Variants in TJP2 observed in about 807,000 individuals in gnomAD.
The protein encoded by TJP2 is Friedreich ataxia region gene X104 (tight junction protein ZO-2).
Under a neutral mutation model 133.1 loss-of-function variants are expected in TJP2, and 91 were observed. The ratio of observed to expected loss-of-function variants is 0.68; its 90% CI spans 0.58 to 0.81. The LOEUF (loss-of-function observed/expected upper bound fraction) is 0.81, where lower values mean the gene tolerates loss of function less well. Among genes scored for constraint, TJP2 ranks in the 40% least tolerant of loss-of-function variants. The probability of loss-of-function intolerance (pLI) is 0.00; values close to 1 mark genes in which losing one functional copy is unlikely to be tolerated. For synonymous variants in TJP2, 592 were observed against 583.4 expected, an observed-to-expected ratio of 1.01 and a Z score of -0.21; for missense variants, 1,541 against 1,565.6, an observed-to-expected ratio of 0.98 and a Z score of 0.26.
At chr9:69,156,385 G>T (rs1350498609) in intron 2 of TJP2, among the ~76,000 whole-genome samples, 1 of 152,112 alleles carries the variant, frequency 6.6e-6, no homozygotes, top group Non-Finnish European at 1.5e-5. Context: ...AATTTAGAAA[G>T]TTTATTTTGC....
Position 69,225,924 on chromosome 9 carries a change from T to C in TJP2, c.1057-98T>C, listed in dbSNP as rs909191089. ...CCTAAAGCCAATATCTGTTTGAATA[T>C]CTGAGCAAAGCCTTTACATTTTTAG... On this transcript the variant is annotated intron_variant, in intron 6 of 22. Coordinates refer to ENST00000377245, the MANE Select transcript of TJP2 (RefSeq NM_004817.4). 4.5e-6 allele frequency: 6 copies of C among 1,323,534 alleles called. No individual in the cohort carries two copies. In the South Asian group the frequency reaches 5.0e-5, roughly 11 times the overall value. 82.0% of individuals were successfully genotyped at this position (1,323,534 alleles called of 1,614,324 possible). A position where few individuals can be genotyped will look rare whatever the true frequency, so the allele number is the denominator to read the frequency against.
intron 10 of TJP2, among the ~76,000 whole-genome samples, chr9:69,229,788 A>G (rs892093026): frequency 6.6e-6 from 1 of 152,214 alleles, no homozygotes; most frequent in Non-Finnish European, 1.5e-5. Flanking sequence ...TTCCTTTGGA[A>G]GAATTTTAGC....
At chr9:69,136,682 C>T (rs889417628) in intron 1 of TJP2, among the ~76,000 whole-genome samples, 2 of 152,092 alleles carry the variant, frequency 1.3e-5, no homozygotes, top group Non-Finnish European at 2.9e-5. Flanking sequence ...GAAACTACAT[C>T]CATTTCCTGG....
intron 1 of TJP2, among the ~76,000 whole-genome samples, chr9:69,128,770 C>T (rs1822362709): frequency 6.6e-6 from 1 of 152,184 alleles, no homozygotes. Flanking sequence ...TCGTGATCCG[C>T]CCGCCTCGGC....
chr9:69,169,330 T>A (rs185554012), upstream of TJP2, among the ~76,000 whole-genome samples: 1 of 151,352 alleles, frequency 6.6e-6, no homozygotes, highest in African/African-American at 2.4e-5. Flanking sequence ...AACTAAATTG[T>A]TTGGTGAACC....
intron 7 of TJP2, among the ~76,000 whole-genome samples, chr9:69,227,535 CAA>C (rs1261578841): frequency 1.3e-5 from 2 of 152,094 alleles, no homozygotes; most frequent in African/African-American, 2.4e-5. Context: ...GAAAATGAGA[CAA>C]AAGAGAAATA....
intron 1 of TJP2, chr9:69,145,454 G>A (rs1458019217): frequency 1.5e-5 from 4 of 273,056 alleles, no homozygotes; most frequent in Non-Finnish European, 1.4e-5. Flanking sequence ...AGTCATTCCT[G>A]CAAATCATTT....
chr9:69,180,669 A>G (rs1825430489), intron 1 of TJP2, among the ~76,000 whole-genome samples: 1 of 152,232 alleles, frequency 6.6e-6, no homozygotes, highest in Non-Finnish European at 1.5e-5. Context: ...TCCTAGGTAT[A>G]TATGGCAAAG....
chr9:69,174,047 TCGCGCGTGA>T (rs1824856388), upstream of TJP2: 8 of 1,058,254 alleles, frequency 7.6e-6, no homozygotes, highest in Non-Finnish European at 8.0e-6. Context: ...CGGCCAGGAG[TCGCGCGTGA>T]CGCGGTTCGC....
At chr9:69,173,174 C>T (rs1417746636), upstream of TJP2, among the ~76,000 whole-genome samples, 1 of 152,132 alleles carries the variant, frequency 6.6e-6, no homozygotes, top group Non-Finnish European at 1.5e-5. Flanking sequence ...CTGGGACAGA[C>T]CACACCTTTT....
At chr9:69,197,637 C>G (rs1413987373) in intron 1 of TJP2, among the ~76,000 whole-genome samples, 1 of 151,506 alleles carries the variant, frequency 6.6e-6, no homozygotes, top group East Asian at 1.9e-4. Context: ...ATCAAGAGTG[C>G]TTATCCTGTG....
chr9:69,246,839 A>T lies in TJP2; in HGVS notation c.2667+49A>T, dbSNP rs369542366. On this transcript the variant is annotated intron_variant, in intron 18 of 22. Transcript: ENST00000377245. ...ATGAGGTGAGAGTCCCTGTTCTGAAACTTTTCTCAAGAGGGCAGTGAATGT... is the reference window on the plus strand; with the variant it reads ...ATGAGGTGAGAGTCCCTGTTCTGAATCTTTTCTCAAGAGGGCAGTGAATGT... 115 of 1,532,752 alleles carry T rather than the reference A, an allele frequency of 7.5e-5. No homozygotes were observed. In the African/African-American group the frequency reaches 1.4e-3, roughly 19 times the overall value. The allele number at this position is 1,532,752 out of a possible 1,614,324, so 94.9% of individuals were successfully genotyped here.
intron 1 of TJP2, among the ~76,000 whole-genome samples, chr9:69,139,133 C>T (rs944747411): frequency 1.3e-5 from 2 of 151,976 alleles, no homozygotes; most frequent in Non-Finnish European, 2.9e-5. Context: ...GGGAGAATCG[C>T]TTGAACCCTG....
chr9:69,159,751 C>T (rs1823965391), intron 2 of TJP2, among the ~76,000 whole-genome samples: 1 of 151,804 alleles, frequency 6.6e-6, no homozygotes, highest in Admixed American at 6.6e-5. Flanking sequence ...TGGAACGCGC[C>T]TGTAGTCCCA....
In TJP2 at chr9:69,240,016, T is replaced by G. The variant is rs763756429; in HGVS notation, c.2435T>G (p.Phe812Cys). Residue 812 changes from phenylalanine to cysteine, a missense_variant, in exon 17 of 23, where the codon TTT (phenylalanine) becomes TGT (cysteine). Coordinates refer to ENST00000377245, the MANE Select transcript of TJP2 (RefSeq NM_004817.4). ...NYTQWFPIVIFFNPDSRQGVK... is the reference protein window; with the variant it reads ...NYTQWFPIVICFNPDSRQGVK... ...ACCCAGTGGTTCCCAATTGTGATTTTTTTCAACCCAGACTCCAGACAAGGT... is the reference window on the plus strand; with the variant it reads ...ACCCAGTGGTTCCCAATTGTGATTTGTTTCAACCCAGACTCCAGACAAGGT... 1.9e-6 allele frequency: 3 copies of G among 1,614,172 alleles called. No individual in the cohort carries two copies. Among genetic ancestry groups the G allele is most frequent in the Non-Finnish European group, 2.5e-6 (3 of 1,180,034 alleles).
Position 69,122,964 on chromosome 9 carries a change from A to C in TJP2, c.-131+1239A>C, listed in dbSNP as rs115712160. Reference sequence around the variant, plus strand: ...TAGGGTGACATTCTGGGTACTTTCAAGTGTTCACGTGTCTTGCCACTTTAA... The same window carrying C: ...TAGGGTGACATTCTGGGTACTTTCACGTGTTCACGTGTCTTGCCACTTTAA... On this transcript the variant is annotated intron_variant, in intron 1 of 5. Transcript: ENST00000423935. Among the ~76,000 whole-genome samples the C allele has an allele frequency of 3.0e-4, 45 of 152,096 alleles. 2 individuals are homozygous for C. Among genetic ancestry groups the C allele is most frequent in the Admixed American group, 2.9e-3 (44 of 15,264 alleles).
chr9:69,233,103 C>T (rs1181163148), intron 11 of TJP2, among the ~76,000 whole-genome samples: 1 of 152,136 alleles, frequency 6.6e-6, no homozygotes, highest in African/African-American at 2.4e-5. Context: ...TGGGATGATT[C>T]CTAATTGGGG....
At chr9:69,141,373 G>A (rs1228140246) in intron 1 of TJP2, among the ~76,000 whole-genome samples, 2 of 152,006 alleles carry the variant, frequency 1.3e-5, no homozygotes, top group Non-Finnish European at 2.9e-5. Context: ...CCCCGAGCAG[G>A]ACCCAGGAGC....
At chr9:69,137,244 TCTCTC>T (rs748324387) in intron 1 of TJP2, among the ~76,000 whole-genome samples, 1 of 53,138 alleles carries the variant, frequency 1.9e-5, no homozygotes, top group Non-Finnish European at 4.0e-5. Context: ...TTTCTTTCTC[TCTCTC>T]TTTCTTTCTT....
Sources: allele counts gnomAD v4.1 joint callset (sites outside exome capture counted in the v4.1 genomes callset), GRCh38; gene constraint gnomAD v4.1.1; transcripts MANE v1.5; gene names NCBI Gene and HGNC (gene_info 2026-07-23, HGNC 2026-07-21).